The following CDH20 variants were observed in gnomAD, a reference collection of about 807,000 sequenced individuals.
CDH20 encodes the protein cadherin 20.
CDH20 carries 29 observed loss-of-function variants against 74.2 expected under a neutral mutation model. The ratio of observed to expected loss-of-function variants is 0.39; its 90% confidence interval spans 0.29 to 0.53. The LOEUF is 0.53. Among genes scored for constraint, CDH20 ranks in the 20% least tolerant of loss-of-function variants. The pLI is 0.69. For missense variants in CDH20, 988 were observed against 1,048.3 expected (o/e 0.94, Z 0.79); for synonymous variants, 469 against 405.4 (o/e 1.16, Z -1.88).
intron 1 of CDH20, among the ~76,000 whole-genome samples, chr18:61,374,406 G>A (rs1216252990): frequency 6.6e-6 from 1 of 151,986 alleles, no homozygotes. Flanking sequence ...ACAACTCCAG[G>A]TCCAGTCTTT....
Position 61,362,498 on chromosome 18 carries a change from T to C in CDH20, c.-153+28671T>C, listed in dbSNP as rs192997783. On this transcript the variant is annotated intron_variant, in intron 1 of 11. Transcript: ENST00000262717. ...AATTGAGGATACAAACAAACAAAAA[T>C]CCCAGCCCTCCTGCAGCTTGCATTT... Among the ~76,000 whole-genome samples the C allele has an allele frequency of 1.2e-3, 178 of 152,062 alleles. 4 individuals are homozygous for C. In the East Asian group the frequency reaches 0.027, roughly 23 times the overall value.
intron 1 of CDH20, among the ~76,000 whole-genome samples, chr18:61,453,522 G>A (rs1051660319): frequency 2.6e-5 from 4 of 151,966 alleles, no homozygotes; most frequent in Non-Finnish European, 2.9e-5. Flanking sequence ...CTCGTGATCC[G>A]CCTGCCTCAG....
intron 1 of CDH20, among the ~76,000 whole-genome samples, chr18:61,488,077 C>CAT (rs1406801129): frequency 2.6e-4 from 2 of 7,832 alleles, no homozygotes; most frequent in Non-Finnish European, 1.0e-3. Flanking sequence ...AGAATACGTA[C>CAT]ATACATATAT....
intron 6 of CDH20, among the ~76,000 whole-genome samples, chr18:61,524,650 C>A (rs1912322535): frequency 6.6e-6 from 1 of 152,212 alleles, no homozygotes; most frequent in African/African-American, 2.4e-5. Context: ...CATAGTAGCT[C>A]ACGCCAGTAA....
At chr18:61,431,007 A>C (rs2144295729) in intron 1 of CDH20, among the ~76,000 whole-genome samples, 1 of 152,308 alleles carries the variant, frequency 6.6e-6, no homozygotes, top group African/African-American at 2.4e-5. Flanking sequence ...AGAGATAGGA[A>C]ATATATGTAT....
intron 1 of CDH20, among the ~76,000 whole-genome samples, chr18:61,445,789 T>C (rs530716646): frequency 6.6e-6 from 1 of 152,292 alleles, no homozygotes; most frequent in Non-Finnish European, 1.5e-5. Context: ...ATCTCCACTG[T>C]GGGCAGGGCT....
intron 10 of CDH20, among the ~76,000 whole-genome samples, chr18:61,545,802 G>C (rs1466537699): frequency 6.6e-6 from 1 of 152,156 alleles, no homozygotes; most frequent in African/African-American, 2.4e-5. Context: ...CACTGAAACA[G>C]CTTTATTACT....
chr18:61,532,008 C>A (rs1277666058), intron 7 of CDH20, among the ~76,000 whole-genome samples: 2 of 152,186 alleles, frequency 1.3e-5, no homozygotes, highest in Non-Finnish European at 2.9e-5. Flanking sequence ...ATACTCGTAT[C>A]TTTAAAAGAT....
At chr18:61,334,833 T>C (rs1909702884) in intron 1 of CDH20, among the ~76,000 whole-genome samples, 1 of 152,056 alleles carries the variant, frequency 6.6e-6, no homozygotes, top group South Asian at 2.1e-4. Flanking sequence ...GTTGTTGCTA[T>C]TATTATTAAT....
At chr18:61,454,090 C>A (rs1222327767) in intron 1 of CDH20, among the ~76,000 whole-genome samples, 1 of 152,114 alleles carries the variant, frequency 6.6e-6, no homozygotes, top group African/African-American at 2.4e-5. Context: ...TGCTTATTGG[C>A]CATCTGGATA....
rs142345911 is a variant in CDH20 at position 61,430,634 on chromosome 18, T to A, written c.-152-59768T>A. Among the ~76,000 whole-genome samples the A allele has an allele frequency of 3.4e-3, 516 of 152,300 alleles. 5 individuals are homozygous for A. The East Asian group carries it at 0.048, about 14-fold the overall frequency. On this transcript the variant is annotated intron_variant, in intron 1 of 11. Coordinates refer to ENST00000262717, the MANE Select transcript of CDH20 (RefSeq NM_031891.4). The stretch of plus-strand genomic sequence containing the variant: ...ATTTATCCCTTCTCTGCCATTTAAT[T>A]AATAATTTTTTTCAGTATGAACTAA...
intron 1 of CDH20, among the ~76,000 whole-genome samples, chr18:61,398,639 C>A (rs2144220686): frequency 6.6e-6 from 1 of 152,182 alleles, no homozygotes; most frequent in South Asian, 2.1e-4. Flanking sequence ...GATGGTCTCC[C>A]CTATCTACAG....
At chr18:61,368,179 C>A (rs1429732276) in intron 1 of CDH20, among the ~76,000 whole-genome samples, 1 of 152,040 alleles carries the variant, frequency 6.6e-6, no homozygotes, top group African/African-American at 2.4e-5. Flanking sequence ...TTAAGGTCGG[C>A]TGATTAACAA....
intron 1 of CDH20, among the ~76,000 whole-genome samples, chr18:61,384,977 G>A (rs185994320): frequency 6.6e-6 from 1 of 152,126 alleles, no homozygotes; most frequent in East Asian, 1.9e-4. Flanking sequence ...TAAGCTAAGG[G>A]GTTTAGATGC....
At chr18:61,382,358 A>C (rs1052803345) in intron 1 of CDH20, among the ~76,000 whole-genome samples, 1 of 152,232 alleles carries the variant, frequency 6.6e-6, no homozygotes, top group African/African-American at 2.4e-5. Flanking sequence ...CGTAATGGCC[A>C]AAAAGTAGAA....
intron 9 of CDH20, among the ~76,000 whole-genome samples, chr18:61,540,415 A>G: frequency 6.6e-6 from 1 of 152,178 alleles, no homozygotes; most frequent in East Asian, 1.9e-4. Context: ...AAGAAAAAGA[A>G]GGTTAATGGA....
At chr18:61,538,581 T>TGA (rs142450484) in intron 8 of CDH20, among the ~76,000 whole-genome samples, 1 of 47,684 alleles carries the variant, frequency 2.1e-5, no homozygotes, top group Non-Finnish European at 4.4e-5. Context: ...ATAACTACTT[T>TGA]TTGTTTGTTT....
At chr18:61,356,192 C>A (rs7236816) in intron 1 of CDH20, among the ~76,000 whole-genome samples, 7,821 of 152,252 alleles carry the variant, frequency 0.051, 293 homozygotes, top group Non-Finnish European at 0.079. Context: ...AAATACAGTT[C>A]TAAATTATAA....
chr18:61,392,043 C>T (rs1399486224), intron 1 of CDH20, among the ~76,000 whole-genome samples: 5 of 152,064 alleles, frequency 3.3e-5, no homozygotes, highest in African/African-American at 4.8e-5. Flanking sequence ...TCTTTTGCCC[C>T]TCACTTAAAA....
Sources: allele counts gnomAD v4.1 joint callset (sites outside exome capture counted in the v4.1 genomes callset), GRCh38; gene constraint gnomAD v4.1.1; transcripts MANE v1.5; gene names NCBI Gene and HGNC (gene_info 2026-07-23, HGNC 2026-07-21).